ZMYM4: variants seen among roughly 807,000 people sequenced by gnomAD.
The protein encoded by ZMYM4 is zinc finger MYM-type protein 4.
In ZMYM4, 31 loss-of-function variants were observed where a neutral mutation model predicts 183.2. The ratio of observed to expected loss-of-function variants is 0.17; its 90% confidence interval spans 0.13 to 0.23. The LOEUF (loss-of-function observed/expected upper bound fraction) is 0.23. ZMYM4 is among the 10% of genes least tolerant of loss of function. The pLI is 1.00. For synonymous variants in ZMYM4, 592 were observed against 631.2 expected, an observed-to-expected ratio of 0.94 and a Z score of 0.93; for missense variants, 1,273 against 1,840.3, an observed-to-expected ratio of 0.69 and a Z score of 5.64.
chr1:35,388,945 C>T lies in ZMYM4; in HGVS notation c.2299C>T (p.Arg767Cys), dbSNP rs749260426. 19 of 1,613,798 alleles carry T rather than the reference C, an allele frequency of 1.2e-5. No homozygotes were observed. Among genetic ancestry groups the T allele is most frequent in the South Asian group, 4.4e-5 (4 of 91,052 alleles). The change falls in exon 14 of 30, where the codon CGC becomes TGC. Residue 767 changes from arginine (R) to cysteine (C), a missense_variant. By Grantham distance (180) the Arg-to-Cys change is radical. This residue lies in a region of ZMYM4 where 319 missense variants were observed against 518.1 expected (regional missense o/e 0.62). Coordinates refer to ENST00000314607, the MANE Select transcript of ZMYM4 (RefSeq NM_005095.3). ...GCTTTATAAACATGACTTGGCAAAA[C>T]GCTGGGGAAATCACTGTAAAATGTG... The part of the protein sequence containing the change: ...KLLYKHDLAK[R>C]WGNHCKMCSY...
intron 1 of ZMYM4, among the ~76,000 whole-genome samples, chr1:35,309,675 A>G (rs1027403789): frequency 1.3e-5 from 2 of 152,050 alleles, no homozygotes; most frequent in Non-Finnish European, 2.9e-5. Context: ...TATATTTGCG[A>G]TCTCAAAATA....
In ZMYM4 at chr1:35,303,820, G is replaced by A. The variant is rs553650511; in HGVS notation, c.40-21540G>A. Among the ~76,000 whole-genome samples the A allele has an allele frequency of 6.6e-5, 10 of 151,638 alleles. No individual in the cohort carries two copies. The South Asian group carries it at 1.7e-3, about 25-fold the overall frequency. Reference sequence around the variant, plus strand: ...ATTTCCTTCTTTCCACTTATTTTGGGTTTACTTTGCTTTCTTTTCCTAGCT... The same window carrying A: ...ATTTCCTTCTTTCCACTTATTTTGGATTTACTTTGCTTTCTTTTCCTAGCT... On this transcript the variant is annotated intron_variant, in intron 1 of 29. Coordinates refer to ENST00000314607, the MANE Select transcript of ZMYM4 (RefSeq NM_005095.3).
At chr1:35,405,756 C>A (rs1644991072) in intron 25 of ZMYM4, among the ~76,000 whole-genome samples, 1 of 95,662 alleles carries the variant, frequency 1.0e-5, no homozygotes. Context: ...ATGTGGAGCC[C>A]AGTTTTTTTT....
chr1:35,286,947 T>C (rs1317609460), intron 1 of ZMYM4, among the ~76,000 whole-genome samples: 1 of 151,658 alleles, frequency 6.6e-6, no homozygotes, highest in Non-Finnish European at 1.5e-5. Context: ...GTTTTGGCAC[T>C]GAAATTCTTC....
intron 26 of ZMYM4, 135 bp downstream of exon 26, chr1:35,408,294 A>G (rs924846443): frequency 2.7e-6 from 3 of 1,097,166 alleles, no homozygotes; most frequent in African/African-American, 3.2e-5. Flanking sequence ...TTTAACAACA[A>G]ATTGGAAACC....
At chr1:35,324,240 A>G (rs1424842844) in intron 1 of ZMYM4, among the ~76,000 whole-genome samples, 3 of 151,900 alleles carry the variant, frequency 2.0e-5, no homozygotes, top group African/African-American at 4.8e-5. Flanking sequence ...TAGTGCTTCA[A>G]TCCTCCATGT....
At chr1:35,283,994 G>T (rs1640337904) in intron 1 of ZMYM4, among the ~76,000 whole-genome samples, 1 of 151,314 alleles carries the variant, frequency 6.6e-6, no homozygotes. Context: ...TTTTGAGACG[G>T]AGTCTCGCTC....
At chr1:35,356,792 T>C (rs1474794002) in intron 2 of ZMYM4, among the ~76,000 whole-genome samples, 1 of 152,060 alleles carries the variant, frequency 6.6e-6, no homozygotes, top group African/African-American at 2.4e-5. Context: ...TATTGAAGAA[T>C]CTCAAGGGAG....
At chr1:35,269,126 G>GCGCGGCC (rs1226233501) in intron 1 of ZMYM4, 41 bp downstream of exon 1, 2 of 1,543,364 alleles carry the variant, frequency 1.3e-6, no homozygotes, top group Middle Eastern at 2.0e-4. Context: ...GGGGGGCGGG[G>GCGCGGCC]CGCGGCCCGG....
intron 28 of ZMYM4, among the ~76,000 whole-genome samples, chr1:35,416,821 C>G (rs1164240966): frequency 2.0e-5 from 3 of 152,176 alleles, no homozygotes; most frequent in Non-Finnish European, 4.4e-5. Flanking sequence ...GCCTCGGCCT[C>G]TCAAAGTGCT....
chr1:35,385,486 A>C lies in ZMYM4; in HGVS notation c.1614A>C (p.Arg538Ser). The change falls in exon 10 of 30, where the codon AGA becomes AGC. Residue 538 changes from arginine to serine, a missense_variant. Arg to Ser is a moderately radical substitution (Grantham distance 110, BLOSUM62 -1). Around this residue, in one of 6 missense-constraint regions of ZMYM4, gnomAD observed 319 missense variants for 518.1 expected, o/e 0.62. Transcript: ENST00000314607. ...CGTGTGCGCTTTGCAAATCATTGAG[A>C]TCCTCAGCAGAAATGATTGAAAATA... ...ITPCALCKSL[R>S]SSAEMIENTN... 6.2e-7 allele frequency: 1 copy of C among 1,613,222 alleles called. No individual in the cohort carries two copies. The highest frequency in any genetic ancestry group is 8.5e-7 in the Non-Finnish European group (1 of 1,179,772).
chr1:35,294,863 CT>C (rs985995277), intron 1 of ZMYM4, among the ~76,000 whole-genome samples: 41 of 152,270 alleles, frequency 2.7e-4, no homozygotes, highest in African/African-American at 9.9e-4. Context: ...AGGTAAATGT[CT>C]TTGAAATATC....
chr1:35,405,489 T>C, intron 25 of ZMYM4, 21 bp downstream of exon 25: 1 of 1,535,882 alleles, frequency 6.5e-7, no homozygotes, highest in South Asian at 1.2e-5. Flanking sequence ...TTTCTCTCCA[T>C]TTGGTATGAA....
rs141900165 is a variant in ZMYM4, at chr1:35,408,433, A to G, written c.3948+274A>G. On this transcript the variant is annotated intron_variant, in intron 26 of 29. Coordinates refer to ENST00000314607, the MANE Select transcript of ZMYM4 (RefSeq NM_005095.3). ...TGACCTAGGAAATTCTTAGAGGCAT[A>G]TATTTTAAAAAGTAACCTGCAGGGC... Among the ~76,000 whole-genome samples the G allele has an allele frequency of 2.0e-5, 3 of 152,306 alleles. No individual in the cohort carries two copies. The East Asian group carries it at 5.8e-4, about 29-fold the overall frequency.
intron 1 of ZMYM4, among the ~76,000 whole-genome samples, chr1:35,315,911 G>C (rs961958896): frequency 2.0e-5 from 3 of 152,136 alleles, no homozygotes; most frequent in African/African-American, 7.2e-5. Context: ...GGGTGACAGA[G>C]TGAGTCCCTG....
chr1:35,396,067 A>G (rs1295811053), intron 18 of ZMYM4, among the ~76,000 whole-genome samples: 3 of 152,162 alleles, frequency 2.0e-5, no homozygotes, highest in South Asian at 2.1e-4. Flanking sequence ...ATTGCCTCCT[A>G]TTTTAACAGT....
chr1:35,269,348 G>T (rs538536802), intron 1 of ZMYM4, among the ~76,000 whole-genome samples: 1 of 152,180 alleles, frequency 6.6e-6, no homozygotes, highest in South Asian at 2.1e-4. Flanking sequence ...ACTGGGGTGG[G>T]ATATCTAGGC....
intron 1 of ZMYM4, among the ~76,000 whole-genome samples, chr1:35,324,362 G>T (rs557347358): frequency 4.4e-4 from 67 of 152,250 alleles, no homozygotes; most frequent in African/African-American, 1.5e-3. Context: ...CTCCCAAAGT[G>T]CTGGGATTAC....
intron 19 of ZMYM4, chr1:35,396,989 A>G: frequency 6.5e-6 from 5 of 769,096 alleles, no homozygotes; most frequent in Non-Finnish European, 8.1e-6. Context: ...ACTGTGATTT[A>G]TATAATTCTC....
Sources: gnomAD v4.1 joint callset for allele counts (sites outside exome capture counted in the v4.1 genomes callset) on GRCh38, gnomAD v4.1.1 for gene constraint, gnomAD v4.1.1 regional missense constraint, MANE v1.5 for transcripts, NCBI Gene and HGNC (gene_info 2026-07-23, HGNC 2026-07-21) for gene names.